Variants in KMT2E observed in about 807,000 individuals in gnomAD.
The protein encoded by KMT2E is lysine methyltransferase 2E (inactive), also known as histone reader KMT2E.
In KMT2E, 30 loss-of-function variants were observed where a neutral mutation model predicts 184.6. The observed-to-expected ratio is 0.16, with a 90% CI of 0.12 to 0.22. The LOEUF (loss-of-function observed/expected upper bound fraction) is 0.22, where lower values mean the gene tolerates loss of function less well. KMT2E is among the 10% of genes least tolerant of loss of function. KMT2E has a pLI of 1.00. For synonymous variants in KMT2E, 815 were observed against 776.5 expected (o/e 1.05, Z -0.82); for missense variants, 2,023 against 2,237.4 (o/e 0.90, Z 1.93).
intron 3 of KMT2E, among the ~76,000 whole-genome samples, chr7:105,061,458 T>C (rs1257093064): frequency 6.6e-6 from 1 of 152,126 alleles, no homozygotes; most frequent in East Asian, 1.9e-4. Context: ...TGTTGATCAA[T>C]AGGAATTAAC....
At chr7:105,063,648 A>G (rs553573728) in intron 5 of KMT2E, 68 bp downstream of exon 5, 4 of 1,056,008 alleles carry the variant, frequency 3.8e-6, no homozygotes, top group African/African-American at 3.2e-5. Flanking sequence ...GTTGGAAAAG[A>G]TAACTAAAGT....
In KMT2E at chr7:105,114,212, A is replaced by C. The variant is rs1799491346; in HGVS notation, c.*879A>C. The C allele has an allele frequency of 6.6e-6, 1 of 152,222 alleles. No homozygotes were observed. Among genetic ancestry groups the C allele is most frequent in the African/African-American group, 2.4e-5 (1 of 41,448 alleles). The allele number at this position is 152,222 out of a possible 1,614,324, so 9.4% of individuals were successfully genotyped here. ...GACTACTACCTCAGCAACAGGAGGC[A>C]GCAAGGGGCTGTTCCTGTGGTGGTT... is the stretch of plus-strand genomic sequence containing the variant. On this transcript the variant is annotated 3_prime_UTR_variant, in exon 27 of 27. Transcript: ENST00000311117.
chr7:105,062,254 C>T lies in KMT2E; in HGVS notation c.162C>T (p.His54=). 1.2e-6 allele frequency: 2 copies of T among 1,612,870 alleles called. No individual in the cohort carries two copies. The highest frequency in any genetic ancestry group is 8.5e-7 in the Non-Finnish European group (1 of 1,179,056). ...ATACCAGCAGCTCACATCATTCACA[C>T]AGTTACATTGGTTTGCCCTATGCGG... is the stretch of plus-strand genomic sequence containing the variant. ...QLYTSSSHHS[H]SYIGLPYADH... The change falls in exon 4 of 27, where the codon CAC becomes CAT. Residue 54 remains histidine (H), a synonymous_variant. Transcript: ENST00000311117.
chr7:105,110,625 A>G (rs1339803319), intron 25 of KMT2E, 23 bp downstream of exon 25: 2 of 1,613,584 alleles, frequency 1.2e-6, no homozygotes, highest in African/African-American at 2.7e-5. Context: ...ATGACCGATA[A>G]TGTTATTCTT....
chr7:105,059,994 T>TTTTTTTTG (rs1562898264), intron 3 of KMT2E, among the ~76,000 whole-genome samples: 2 of 119,378 alleles, frequency 1.7e-5, no homozygotes, highest in African/African-American at 6.3e-5. Context: ...TTTTTTTTTT[T>TTTTTTTTG]TTTTTTTTTT....
chr7:105,099,476 T>G (rs1302942774), intron 15 of KMT2E, among the ~76,000 whole-genome samples: 1 of 152,230 alleles, frequency 6.6e-6, no homozygotes, highest in East Asian at 1.9e-4. Flanking sequence ...TGACTATAAA[T>G]TAGCTGTAGT....
At chr7:105,066,627 A>T in intron 5 of KMT2E, 100 bp from the exon 6 acceptor site, 2 of 902,806 alleles carry the variant, frequency 2.2e-6, no homozygotes, top group Non-Finnish European at 3.5e-6. Flanking sequence ...TACTAAGCTC[A>T]AAGTAGGTGC....
At chr7:105,032,484 T>C (rs1795463380) in intron 1 of KMT2E, among the ~76,000 whole-genome samples, 1 of 152,150 alleles carries the variant, frequency 6.6e-6, no homozygotes, top group African/African-American at 2.4e-5. Flanking sequence ...AAAAAAGTTA[T>C]TTACTTATTT....
rs1799234814 is a variant in KMT2E at position 105,111,092 on chromosome 7, T to G, written c.4068+224T>G. 4 of 502,614 alleles carry G rather than the reference T, an allele frequency of 8.0e-6. No individual in the cohort carries two copies. The South Asian group carries it at 9.2e-5, about 12-fold the overall frequency. 31.1% of individuals were successfully genotyped at this position (502,614 alleles called of 1,614,324 possible). A position where few individuals can be genotyped will look rare whatever the true frequency, so the allele number is the denominator to read the frequency against. On this transcript the variant is annotated intron_variant, in intron 26 of 26. Coordinates refer to ENST00000311117, the MANE Select transcript of KMT2E (RefSeq NM_182931.3). Reference sequence around the variant, plus strand: ...AAACATTCAAGTTTTCTAAGCACACTTCAACAGCTTACATTTTCTTCAAAT... The same window carrying G: ...AAACATTCAAGTTTTCTAAGCACACGTCAACAGCTTACATTTTCTTCAAAT...
At chr7:105,048,242 G>T (rs908488940) in intron 3 of KMT2E, among the ~76,000 whole-genome samples, 2 of 152,000 alleles carry the variant, frequency 1.3e-5, no homozygotes, top group Admixed American at 1.3e-4. Context: ...TCATCATGTT[G>T]TCCAGGCTAG....
chr7:105,094,513 A>G (rs367922022), intron 15 of KMT2E, among the ~76,000 whole-genome samples: 4 of 152,198 alleles, frequency 2.6e-5, no homozygotes, highest in African/African-American at 7.2e-5. Context: ...AAATGCTCCA[A>G]TAAGCGTTTC....
In KMT2E at chr7:105,112,648, C is replaced by T; in HGVS notation, c.4892C>T (p.Pro1631Leu). Residue 1631 changes from proline to leucine, a missense_variant, in exon 27 of 27, where the codon CCA (proline) becomes CTA (leucine). Physicochemically the swap from Pro to Leu is moderately conservative, Grantham distance 98 (BLOSUM62 -3). Around this residue, in one of 8 missense-constraint regions of KMT2E, gnomAD observed 1,108 missense variants for 1,050.9 expected, o/e 1.05. Coordinates refer to ENST00000311117, the MANE Select transcript of KMT2E (RefSeq NM_182931.3). The stretch of plus-strand genomic sequence containing the variant: ...GCTGCCGTAGTCCCCCCTCCTCCTC[C>T]ACCACCACCTGCTCCAGGACCGCAC... ...TAAAVVPPPPPPPPAPGPHLV... is the reference protein window; with the variant it reads ...TAAAVVPPPPLPPPAPGPHLV... The T allele has an allele frequency of 9.3e-6, 15 of 1,614,050 alleles. No individual in the cohort carries two copies. The highest frequency in any genetic ancestry group is 1.3e-5 in the Non-Finnish European group (15 of 1,180,008).
intron 15 of KMT2E, among the ~76,000 whole-genome samples, chr7:105,097,989 A>G (rs965316859): frequency 6.6e-6 from 1 of 152,184 alleles, no homozygotes; most frequent in Non-Finnish European, 1.5e-5. Context: ...AAAGAGTGCC[A>G]TGAGTATAAA....
chr7:105,064,139 GGTTTT>G (rs1796931245), intron 5 of KMT2E: 14 of 239,012 alleles, frequency 5.9e-5, no homozygotes, highest in South Asian at 4.3e-4. Context: ...CAGAAAGTGG[GGTTTT>G]GTATCATTTT....
chr7:105,036,985 A>AT (rs923985606), intron 1 of KMT2E, among the ~76,000 whole-genome samples: 6 of 152,214 alleles, frequency 3.9e-5, no homozygotes, highest in African/African-American at 9.6e-5. Flanking sequence ...TATTCTTTTC[A>AT]TTTTACCTTA....
chr7:105,023,470 A>C (rs1328652567), intron 1 of KMT2E, among the ~76,000 whole-genome samples: 1 of 124,174 alleles, frequency 8.1e-6, no homozygotes, highest in Non-Finnish European at 1.6e-5. Flanking sequence ...TTTGAGATGG[A>C]GTGTCGCTCT....
chr7:105,053,259 A>G (rs1475695897), intron 3 of KMT2E, among the ~76,000 whole-genome samples: 7 of 152,134 alleles, frequency 4.6e-5, no homozygotes, highest in South Asian at 2.1e-4. Flanking sequence ...ATTAATATCT[A>G]TGTTATCTAA....
chr7:105,041,088 G>GGAA (rs1257320217), intron 3 of KMT2E, 65 bp downstream of exon 3: 1 of 949,180 alleles, frequency 1.1e-6, no homozygotes, highest in East Asian at 2.8e-5. Flanking sequence ...CTAGAAAGTA[G>GGAA]GAAGAAGTAT....
Position 105,113,485 on chromosome 7 carries a change from T to TAAA in KMT2E, c.*154_*156dup. ...TTGTATTTTTCTCATTTTTGCTTTT[T>TAAA]AAAATTCCTTTAAAAAATGTGCTGT... On this transcript the variant is annotated 3_prime_UTR_variant, in exon 27 of 27. Coordinates refer to ENST00000311117, the MANE Select transcript of KMT2E (RefSeq NM_182931.3). 1 of 860,590 alleles carries TAAA rather than the reference T, an allele frequency of 1.2e-6. No individual in the cohort carries two copies. Among genetic ancestry groups the TAAA allele is most frequent in the Non-Finnish European group, 1.7e-6 (1 of 593,302 alleles). 53.3% of individuals were successfully genotyped at this position (860,590 alleles called of 1,614,324 possible). A position where few individuals can be genotyped will look rare whatever the true frequency, so the allele number is the denominator to read the frequency against.
Sources: allele counts gnomAD v4.1 joint callset (sites outside exome capture counted in the v4.1 genomes callset), GRCh38; gene constraint gnomAD v4.1.1; regional missense constraint gnomAD v4.1.1; transcripts MANE v1.5; gene names NCBI Gene and HGNC (gene_info 2026-07-23, HGNC 2026-07-21).